The following FBXO4 variants were observed in gnomAD, a reference collection of about 807,000 sequenced individuals.
FBXO4 encodes the protein F-box protein 4.
Under a neutral mutation model 43.7 loss-of-function variants are expected in FBXO4, and 36 were observed. That is an observed-to-expected ratio of 0.82 (90% CI 0.63 to 1.09). FBXO4 has a LOEUF of 1.09. Ranked by LOEUF, FBXO4 falls within the 50% of genes least tolerant of loss-of-function variation. The pLI, the probability that FBXO4 is intolerant of heterozygous loss-of-function variation, is 0.00. For missense variants in FBXO4, 435 were observed against 474.1 expected, an observed-to-expected ratio of 0.92 and a Z score of 0.77; for synonymous variants, 180 against 165.6, an observed-to-expected ratio of 1.09 and a Z score of -0.67.
At chr5:41,928,958 C>A (rs1211623231) in intron 2 of FBXO4, among the ~76,000 whole-genome samples, 1 of 152,170 alleles carries the variant, frequency 6.6e-6, no homozygotes. Flanking sequence ...TGTTTTACAT[C>A]ATTCTTAGTT....
At chr5:41,957,664 T>C in the FBXO4 span, among the ~76,000 whole-genome samples, 3 of 151,796 alleles carry the variant, frequency 2.0e-5, no homozygotes, top group African/African-American at 7.2e-5. Context: ...CGAGATCCTT[T>C]AATATATTTA....
At position 41,939,432 on chromosome 5, in the gene FBXO4, A is replaced by G. The variant is rs1751938992; in HGVS notation, c.899-9A>G. 2 of 1,586,026 alleles carry G rather than the reference A, an allele frequency of 1.3e-6. No homozygotes were observed. The highest frequency in any genetic ancestry group is 1.7e-4 in the Middle Eastern group (1 of 5,910). ...ATGCAAATTAAGGGTTTTGACTTAC[A>G]TTCCTTAGGACATGAATGGCAAGAT... On this transcript the variant is annotated splice_polypyrimidine_tract_variant and intron_variant, in intron 5 of 6. Coordinates refer to ENST00000281623, the MANE Select transcript of FBXO4 (RefSeq NM_012176.3).
At chr5:41,981,511 CT>C in the FBXO4 span, among the ~76,000 whole-genome samples, 1 of 150,838 alleles carries the variant, frequency 6.6e-6, no homozygotes, top group Non-Finnish European at 1.5e-5. Flanking sequence ...ATGGAGAAAT[CT>C]TTTGCATACT....
intron 3 of FBXO4, among the ~76,000 whole-genome samples, chr5:41,932,307 C>G (rs1751710195): frequency 6.6e-6 from 1 of 152,128 alleles, no homozygotes; most frequent in African/African-American, 2.4e-5. Context: ...TCTGGGAGTG[C>G]AGCTGATGAA....
chr5:41,928,305 C>A (rs1279926312), intron 2 of FBXO4, among the ~76,000 whole-genome samples: 1 of 151,502 alleles, frequency 6.6e-6, no homozygotes, highest in African/African-American at 2.4e-5. Context: ...AAGTACTTAT[C>A]ATTTTTACAA....
chr5:42,013,845 A>G, the FBXO4 span, among the ~76,000 whole-genome samples: 1 of 152,218 alleles, frequency 6.6e-6, no homozygotes, highest in East Asian at 1.9e-4. Context: ...AGTGTACATC[A>G]GCAAGTACGT....
the FBXO4 span, among the ~76,000 whole-genome samples, chr5:41,981,727 T>G: frequency 2.2e-4 from 30 of 135,448 alleles, 1 homozygote; most frequent in African/African-American, 7.2e-4. Context: ...TGGTTTTTGG[T>G]TTTTTTTTTT....
chr5:42,036,862 T>C, the FBXO4 span, among the ~76,000 whole-genome samples: 1 of 152,048 alleles, frequency 6.6e-6, no homozygotes, highest in Non-Finnish European at 1.5e-5. Context: ...TAACTAATCC[T>C]TGAGTAAAGA....
chr5:41,928,406 C>CTCACTGCAAGCTCCGCCTCCTGGGT (rs1225721683), intron 2 of FBXO4: 2 of 150,926 alleles, frequency 1.3e-5, no homozygotes, highest in African/African-American at 4.9e-5. Flanking sequence ...GCGATCTCGG[C>CTCACTGCAAGCTCCGCCTCCTGGGT]TCACTGCAAG....
the FBXO4 span, among the ~76,000 whole-genome samples, chr5:41,990,872 C>A: frequency 6.6e-6 from 1 of 152,178 alleles, no homozygotes; most frequent in Admixed American, 6.5e-5. Flanking sequence ...CTCCTTACTA[C>A]CAAAGAATAT....
chr5:42,022,150 A>G, the FBXO4 span, among the ~76,000 whole-genome samples: 4 of 152,142 alleles, frequency 2.6e-5, no homozygotes, highest in Admixed American at 2.0e-4. Flanking sequence ...TGTGCAGCAG[A>G]CTGTGTCCAT....
the FBXO4 span, among the ~76,000 whole-genome samples, chr5:42,001,159 T>C: frequency 6.6e-6 from 1 of 152,210 alleles, no homozygotes; most frequent in African/African-American, 2.4e-5. Flanking sequence ...TCTAGATCAA[T>C]TTGGGTAGTA....
the FBXO4 span, among the ~76,000 whole-genome samples, chr5:41,953,256 T>C: frequency 3.5e-4 from 53 of 151,962 alleles, no homozygotes; most frequent in East Asian, 9.5e-3. Flanking sequence ...GTTTGGTTTT[T>C]TGTCCTTGCG....
chr5:41,927,328 C>T, intron 2 of FBXO4, 80 bp downstream of exon 2: 1 of 1,024,820 alleles, frequency 9.8e-7, no homozygotes, highest in East Asian at 2.4e-5. Flanking sequence ...TTAATCCTGA[C>T]CCTGCTACTG....
chr5:41,928,250 G>T (rs1751566172), intron 2 of FBXO4, among the ~76,000 whole-genome samples: 1 of 152,024 alleles, frequency 6.6e-6, no homozygotes, highest in Non-Finnish European at 1.5e-5. Context: ...ATTAGATTTT[G>T]CCCAGGGAAT....
chr5:42,028,596 C>T, the FBXO4 span, among the ~76,000 whole-genome samples: 2 of 151,714 alleles, frequency 1.3e-5, no homozygotes, highest in Non-Finnish European at 3.0e-5. Context: ...CTGTGCTCAT[C>T]TCTTCCTTTT....
In FBXO4 at chr5:41,939,427, C is replaced by A. The variant is rs1751938038; in HGVS notation, c.899-14C>A. ...AAGTAATGCAAATTAAGGGTTTTGACTTACATTCCTTAGGACATGAATGGC... is the reference window on the plus strand; with the variant it reads ...AAGTAATGCAAATTAAGGGTTTTGAATTACATTCCTTAGGACATGAATGGC... On this transcript the variant is annotated splice_polypyrimidine_tract_variant and intron_variant, in intron 5 of 6. Transcript: ENST00000281623. 6 of 1,579,976 alleles carry A rather than the reference C, an allele frequency of 3.8e-6. No individual in the cohort carries two copies. The East Asian group carries it at 1.1e-4, about 30-fold the overall frequency.
the FBXO4 span, among the ~76,000 whole-genome samples, chr5:42,034,964 A>G: frequency 1.3e-5 from 2 of 151,938 alleles, no homozygotes; most frequent in East Asian, 3.9e-4. Flanking sequence ...CAGAATGGCC[A>G]TTTTCTTGAT....
the FBXO4 span, among the ~76,000 whole-genome samples, chr5:42,019,824 C>G: frequency 6.6e-6 from 1 of 151,782 alleles, no homozygotes; most frequent in African/African-American, 2.4e-5. Flanking sequence ...TATATTCTTT[C>G]ATGTTTTTGA....
Sources: gnomAD v4.1 joint callset for allele counts (sites outside exome capture counted in the v4.1 genomes callset) on GRCh38, gnomAD v4.1.1 for gene constraint, MANE v1.5 for transcripts, NCBI Gene and HGNC (gene_info 2026-07-23, HGNC 2026-07-21) for gene names.